The following ABCA13 variants were observed in gnomAD, a reference collection of about 807,000 sequenced individuals.
ABCA13 encodes the protein ATP-binding cassette sub-family A member 13.
In ABCA13, 476 loss-of-function variants were observed where a neutral mutation model predicts 478.7. The ratio of observed to expected loss-of-function variants is 0.99; its 90% CI spans 0.92 to 1.07. The LOEUF is 1.07. ABCA13 is among the 50% of genes least tolerant of loss of function. The pLI is 0.00. For synonymous variants in ABCA13, 2,252 were observed against 2,158.9 expected (o/e 1.04, Z -1.20); for missense variants, 6,060 against 5,910.6 (o/e 1.03, Z -0.83).
Position 48,352,461 on chromosome 7 carries a change from C to G in ABCA13, c.10662C>G (p.Ala3554=). ...AACCAGCAGCACAGACTCAGGCGGCCCCTTACCCCTGCCATACCAGCGACC... is the reference window on the plus strand; with the variant it reads ...AACCAGCAGCACAGACTCAGGCGGCGCCTTACCCCTGCCATACCAGCGACC... The part of the protein sequence containing the change: ...ALEPAAQTQA[A]PYPCHTSDLF... The change falls in exon 31 of 62, where the codon GCC becomes GCG. Residue 3554 remains alanine, a synonymous_variant. Coordinates refer to ENST00000435803, the MANE Select transcript of ABCA13 (RefSeq NM_152701.5). The G allele has an allele frequency of 6.2e-7, 1 of 1,608,666 alleles. No individual in the cohort carries two copies. The highest frequency in any genetic ancestry group is 8.5e-7 in the Non-Finnish European group (1 of 1,176,700).
intron 42 of ABCA13, among the ~76,000 whole-genome samples, chr7:48,445,094 C>T (rs898719059): frequency 2.2e-4 from 34 of 151,780 alleles, no homozygotes; most frequent in African/African-American, 8.2e-4. Context: ...CTGCAACCTC[C>T]AGCTCCTAGG....
At chr7:48,352,568 C>T in intron 31 of ABCA13, 81 bp downstream of exon 31, 1 of 1,411,398 alleles carries the variant, frequency 7.1e-7, no homozygotes, top group Non-Finnish European at 9.3e-7. Context: ...CTCAGTTTTT[C>T]TATGGTTATT....
chr7:48,271,722 T>G, intron 16 of ABCA13, 65 bp from the exon 17 acceptor site: 2 of 1,042,968 alleles, frequency 1.9e-6, no homozygotes, highest in Non-Finnish European at 2.5e-6. Context: ...AGTATTAACT[T>G]GGAAATTTGA....
In ABCA13 at chr7:48,350,806, C is replaced by T; in HGVS notation, c.10368C>T (p.Asn3456=). 1 of 1,613,640 alleles carries T rather than the reference C, an allele frequency of 6.2e-7. No homozygotes were observed. Among genetic ancestry groups the T allele is most frequent in the East Asian group, 2.2e-5 (1 of 44,830 alleles). ...AAGCACATGAACTCTTGCAGCAGAA[C>T]AGCTTCTTGGCCAGTAAGTACTCAA... The part of the protein sequence containing the change: ...ETKAHELLQQ[N]SFLASIIFSN... Residue 3456 remains asparagine (N), a synonymous_variant, in exon 30 of 62, where the codon AAC becomes AAT. Coordinates refer to ENST00000435803, the MANE Select transcript of ABCA13 (RefSeq NM_152701.5).
Position 48,455,242 on chromosome 7 carries a change from A to G in ABCA13, c.12771A>G (p.Arg4257=), listed in dbSNP as rs774540438. ...RPLATEYPPL[R]LTPGHYQRAE... ...TGGCCACCGAGTACCCTCCCCTCAG[A>G]CTCACACCTGGACATTACCAGCGGG... The change falls in exon 43 of 62, where the codon AGA becomes AGG. Residue 4257 remains arginine, a synonymous_variant. Coordinates refer to ENST00000435803, the MANE Select transcript of ABCA13 (RefSeq NM_152701.5). The G allele has an allele frequency of 6.2e-7, 1 of 1,605,602 alleles. No individual in the cohort carries two copies. Among genetic ancestry groups the G allele is most frequent in the East Asian group, 2.2e-5 (1 of 44,600 alleles).
chr7:48,410,575 C>T lies in ABCA13; in HGVS notation c.12126C>T (p.Asp4042=), dbSNP rs1818875337. ...TGGATGAAGCTGAAGCGCTGAGTGACCGCGTGGCCGTCCTCCAGCATGGGA... is the reference window on the plus strand; with the variant it reads ...TGGATGAAGCTGAAGCGCTGAGTGATCGCGTGGCCGTCCTCCAGCATGGGA... The part of the protein sequence containing the change: ...HHLDEAEALS[D]RVAVLQHGRL... The change falls in exon 40 of 62, where the codon GAC becomes GAT. Residue 4042 remains aspartate, a synonymous_variant. Transcript: ENST00000435803. 2 of 1,613,898 alleles carry T rather than the reference C, an allele frequency of 1.2e-6. No homozygotes were observed. The highest frequency in any genetic ancestry group is 8.5e-7 in the Non-Finnish European group (1 of 1,179,888).
At chr7:48,488,580 T>A (rs185577573) in intron 47 of ABCA13, among the ~76,000 whole-genome samples, 1 of 152,324 alleles carries the variant, frequency 6.6e-6, no homozygotes, top group East Asian at 1.9e-4. Context: ...AATGCATCAG[T>A]TGGAGTCATC....
chr7:48,224,835 G>A (rs1584292370), intron 5 of ABCA13, among the ~76,000 whole-genome samples: 1 of 152,072 alleles, frequency 6.6e-6, no homozygotes, highest in Non-Finnish European at 1.5e-5. Flanking sequence ...TTTATAAATG[G>A]CCAGTTTTAA....
chr7:48,229,853 T>C lies in ABCA13; in HGVS notation c.661T>C (p.Trp221Arg). 1.2e-6 allele frequency: 2 copies of C among 1,614,052 alleles called. No homozygotes were observed. Among genetic ancestry groups the C allele is most frequent in the African/African-American group, 1.3e-5 (1 of 75,070 alleles). The change falls in exon 7 of 62, where the codon TGG becomes CGG. Residue 221 changes from tryptophan to arginine, a missense_variant. This residue lies in a region of ABCA13 where 4,423 missense variants were observed against 4,309.1 expected (regional missense o/e 1.03). Transcript: ENST00000435803. ...NSLISLEDLD[W>R]LPLNQTFSQV... is the part of the protein sequence containing the mutation. ...CTTAATATCCCTAGAAGATTTAGAT[T>C]GGCTTCCACTCAACCAAACTTTTTC...
chr7:48,458,475 G>T (rs1396251290), intron 43 of ABCA13, among the ~76,000 whole-genome samples: 1 of 152,286 alleles, frequency 6.6e-6, no homozygotes, highest in East Asian at 1.9e-4. Flanking sequence ...AGGCCTGCAT[G>T]TGGCTTTCAA....
chr7:48,431,298 T>C lies in ABCA13; in HGVS notation c.12565+3427T>C, dbSNP rs544565485. On this transcript the variant is annotated intron_variant, in intron 42 of 61. Coordinates refer to ENST00000435803, the MANE Select transcript of ABCA13 (RefSeq NM_152701.5). ...TGGAGGTTGCCTTGAGCCTAGATCATGCCACTGCACTCCAGCCTGGGCAAC... is the reference window on the plus strand; with the variant it reads ...TGGAGGTTGCCTTGAGCCTAGATCACGCCACTGCACTCCAGCCTGGGCAAC... Among the ~76,000 whole-genome samples the C allele has an allele frequency of 2.0e-5, 3 of 152,006 alleles. 1 individual carries two copies. The highest frequency in any genetic ancestry group is 7.2e-5 in the African/African-American group (3 of 41,438).
chr7:48,306,522 T>C (rs1462529866), intron 23 of ABCA13, among the ~76,000 whole-genome samples: 3 of 152,122 alleles, frequency 2.0e-5, no homozygotes, highest in Admixed American at 6.5e-5. Flanking sequence ...AGGCTCCTCT[T>C]GTGAAAGCAA....
At chr7:48,227,188 G>A (rs1788337852) in intron 5 of ABCA13, 74 bp from the exon 6 acceptor site, 9 of 1,533,294 alleles carry the variant, frequency 5.9e-6, no homozygotes, top group Middle Eastern at 1.7e-4. Flanking sequence ...CACCTTTGTA[G>A]CATCTGTCTG....
chr7:48,435,849 T>C (rs945604231), intron 42 of ABCA13, among the ~76,000 whole-genome samples: 1 of 151,600 alleles, frequency 6.6e-6, no homozygotes, highest in African/African-American at 2.4e-5. Flanking sequence ...CATCCTTGCC[T>C]TTCAGGAATA....
Position 48,271,898 on chromosome 7 carries a change from G to A in ABCA13, c.2232G>A (p.Leu744=), listed in dbSNP as rs199571053. ...TTGTGGAATTTTTTGAGAAATTATT[G>A]TTGCCTAATCTTTTTGACTCCTCCA... ...LSFVEFFEKL[L]LPNLFDSSIV... Residue 744 remains leucine, a synonymous_variant, in exon 17 of 62, where the codon TTG becomes TTA. Transcript: ENST00000435803. The A allele has an allele frequency of 8.7e-6, 14 of 1,612,942 alleles. No individual in the cohort carries two copies. The highest frequency in any genetic ancestry group is 1.3e-5 in the African/African-American group (1 of 75,000).
intron 31 of ABCA13, among the ~76,000 whole-genome samples, chr7:48,366,366 A>T (rs910353026): frequency 2.0e-5 from 3 of 151,992 alleles, no homozygotes; most frequent in African/African-American, 4.8e-5. Flanking sequence ...CCCTGTCTGA[A>T]ATAGCATTCC....
chr7:48,385,323 A>C (rs1255762180), intron 35 of ABCA13, among the ~76,000 whole-genome samples: 1 of 152,050 alleles, frequency 6.6e-6, no homozygotes, highest in African/African-American at 2.4e-5. Flanking sequence ...GCCCCAGTGC[A>C]TGTTGTTCCC....
chr7:48,295,667 G>C, intron 20 of ABCA13, 33 bp from the exon 21 acceptor site: 3 of 1,611,998 alleles, frequency 1.9e-6, no homozygotes, highest in Non-Finnish European at 2.5e-6. Flanking sequence ...AAGTATGTGT[G>C]CTTCTAACCT....
intron 55 of ABCA13, among the ~76,000 whole-genome samples, chr7:48,577,204 G>A (rs1252362981): frequency 6.6e-6 from 1 of 150,956 alleles, no homozygotes; most frequent in Non-Finnish European, 1.5e-5. Flanking sequence ...TTGAAAGTAA[G>A]TAGAAGAAAA....
Sources: gnomAD v4.1 joint callset for allele counts (sites outside exome capture counted in the v4.1 genomes callset) on GRCh38, gnomAD v4.1.1 for gene constraint, gnomAD v4.1.1 regional missense constraint, MANE v1.5 for transcripts, NCBI Gene and HGNC (gene_info 2026-07-23, HGNC 2026-07-21) for gene names.